The following GALNT11 variants were observed in gnomAD, a reference collection of about 807,000 sequenced individuals.
The protein encoded by GALNT11 is UDP-GalNAc:polypeptide N-acetylgalactosaminyltransferase 11.
In GALNT11, 47 loss-of-function variants were observed where a neutral mutation model predicts 72.7. That is an observed-to-expected ratio of 0.65 (90% CI 0.51 to 0.82). The LOEUF (loss-of-function observed/expected upper bound fraction) is 0.82. Ranked by LOEUF, GALNT11 falls within the 40% of genes least tolerant of loss-of-function variation. The pLI is 0.00. For synonymous variants in GALNT11, 270 were observed against 286.6 expected (o/e 0.94, Z 0.58); for missense variants, 677 against 778.4 (o/e 0.87, Z 1.55).
intron 1 of GALNT11, among the ~76,000 whole-genome samples, chr7:152,055,556 TG>T: frequency 6.7e-6 from 1 of 149,810 alleles, no homozygotes; most frequent in Non-Finnish European, 1.5e-5. Context: ...TGTGTGTGTG[TG>T]TGTGTGTGTG....
intron 1 of GALNT11, among the ~76,000 whole-genome samples, chr7:152,034,315 A>G (rs1216424936): frequency 1.3e-5 from 2 of 152,186 alleles, no homozygotes; most frequent in African/African-American, 4.8e-5. Flanking sequence ...TCCTTCAATG[A>G]AAAGAAAGCT....
Position 152,103,194 on chromosome 7 carries a change from C to T in GALNT11, c.502C>T (p.Leu168Phe), listed in dbSNP as rs781197865. ...CFYNEAFSAL[L>F]RTVHSVIDRT... is the part of the protein sequence containing the mutation. Reference sequence around the variant, plus strand: ...CTATAATGAAGCGTTTTCTGCCTTGCTTCGGACAGTGCACAGTGTCATAGA... The same window carrying T: ...CTATAATGAAGCGTTTTCTGCCTTGTTTCGGACAGTGCACAGTGTCATAGA... The change falls in exon 4 of 12, where the codon CTT becomes TTT. Residue 168 changes from leucine to phenylalanine, a missense_variant. By Grantham distance (22) the Leu-to-Phe change is conservative. Transcript: ENST00000430044. The T allele has an allele frequency of 4.3e-6, 7 of 1,613,526 alleles. No individual in the cohort carries two copies. The highest frequency in any genetic ancestry group is 2.2e-5 in the East Asian group (1 of 44,878).
chr7:152,050,341 G>A (rs889710904), intron 1 of GALNT11, among the ~76,000 whole-genome samples: 1 of 152,166 alleles, frequency 6.6e-6, no homozygotes, highest in Non-Finnish European at 1.5e-5. Context: ...AATCCTGCCA[G>A]TACTAGGTCC....
At chr7:152,116,198 G>T (rs992794808) in intron 8 of GALNT11, among the ~76,000 whole-genome samples, 3 of 152,122 alleles carry the variant, frequency 2.0e-5, no homozygotes, top group Admixed American at 2.0e-4. Context: ...TTACAAAAAC[G>T]GGTGGAAGAT....
intron 1 of GALNT11, among the ~76,000 whole-genome samples, chr7:152,081,968 A>G (rs2085350464): frequency 6.6e-6 from 1 of 152,210 alleles, no homozygotes; most frequent in Non-Finnish European, 1.5e-5. Context: ...TGGATAGTTC[A>G]TAGTTTGTTC....
intron 1 of GALNT11, among the ~76,000 whole-genome samples, chr7:152,088,223 T>G (rs2129030775): frequency 1.3e-5 from 2 of 152,356 alleles, no homozygotes; most frequent in East Asian, 3.9e-4. Context: ...CTTTTATTTT[T>G]AAAGAAAATG....
intron 1 of GALNT11, chr7:152,074,901 T>TAAAGG (rs2084863428): frequency 6.6e-6 from 1 of 152,264 alleles, no homozygotes; most frequent in African/African-American, 2.4e-5. Flanking sequence ...GAATGCCCTT[T>TAAAGG]GCATTCCCCT....
chr7:152,027,366 C>T (rs1352826331), intron 1 of GALNT11, among the ~76,000 whole-genome samples: 1 of 152,204 alleles, frequency 6.6e-6, no homozygotes, highest in East Asian at 1.9e-4. Context: ...GGGTATCCAT[C>T]TTCTCAAGCA....
chr7:152,045,296 C>T (rs1358759332), intron 1 of GALNT11, among the ~76,000 whole-genome samples: 2 of 152,042 alleles, frequency 1.3e-5, no homozygotes, highest in African/African-American at 4.8e-5. Context: ...TAATATTGGC[C>T]TCGCAGAATG....
chr7:152,095,229 G>A (rs939194515), intron 2 of GALNT11, among the ~76,000 whole-genome samples: 9 of 152,182 alleles, frequency 5.9e-5, no homozygotes, highest in Admixed American at 4.6e-4. Context: ...CAACTTGGAT[G>A]CAAGACTCTA....
At chr7:152,057,042 C>T (rs865931719) in intron 1 of GALNT11, among the ~76,000 whole-genome samples, 2 of 129,378 alleles carry the variant, frequency 1.5e-5, no homozygotes, top group African/African-American at 5.9e-5. Context: ...TTCTTTGTAG[C>T]GACAGGGTTT....
intron 6 of GALNT11, 35 bp downstream of exon 6, chr7:152,108,322 A>G (rs1299594962): frequency 1.3e-6 from 2 of 1,582,470 alleles, no homozygotes; most frequent in Non-Finnish European, 1.7e-6. Flanking sequence ...AATTCCTACC[A>G]GTGCTTCCTT....
In GALNT11 at chr7:152,120,913, CGCCACGGCTCATGAAAT is replaced by C. The variant is rs1563086774; in HGVS notation, c.1648_1664del (p.Leu550ValfsTer104). On this transcript the variant is annotated frameshift_variant, in exon 11 of 12. Transcript: ENST00000430044. LOFTEE classifies it high-confidence loss of function. Reference sequence around the variant, plus strand: ...ATGTCAGAGACTCGCTCATCAGACCCGCCACGGCTCATGAAATGCCACGGGTCAGGAGGATCCCAGCA... The same window carrying C: ...ATGTCAGAGACTCGCTCATCAGACCCGCCACGGGTCAGGAGGATCCCAGCA... 6.2e-7 allele frequency: 1 copy of C among 1,613,972 alleles called. No homozygotes were observed. The highest frequency in any genetic ancestry group is 8.5e-7 in the Non-Finnish European group (1 of 1,179,986).
At chr7:152,089,909 G>A (rs2129032806) in intron 1 of GALNT11, among the ~76,000 whole-genome samples, 1 of 152,320 alleles carries the variant, frequency 6.6e-6, no homozygotes, top group Non-Finnish European at 1.5e-5. Context: ...CTACAATAAT[G>A]ATGTTATCTA....
chr7:152,066,251 A>C (rs572775560), intron 1 of GALNT11, among the ~76,000 whole-genome samples: 1 of 148,498 alleles, frequency 6.7e-6, no homozygotes, highest in South Asian at 2.1e-4. Flanking sequence ...CATGGGATGT[A>C]ATCTCCTGGT....
chr7:152,034,903 G>C (rs2082486680), intron 1 of GALNT11, among the ~76,000 whole-genome samples: 1 of 152,114 alleles, frequency 6.6e-6, no homozygotes, highest in Non-Finnish European at 1.5e-5. Context: ...AGAAAAATTG[G>C]ATTTAGTGGC....
At chr7:152,093,648 C>T (rs1221971738) in intron 1 of GALNT11, among the ~76,000 whole-genome samples, 1 of 151,996 alleles carries the variant, frequency 6.6e-6, no homozygotes, top group Non-Finnish European at 1.5e-5. Context: ...AGGCTGGTCT[C>T]GAACTTCTGA....
At chr7:152,053,773 C>G (rs1387817829) in intron 1 of GALNT11, among the ~76,000 whole-genome samples, 1 of 152,176 alleles carries the variant, frequency 6.6e-6, no homozygotes, top group East Asian at 1.9e-4. Flanking sequence ...GTGGGAGGAT[C>G]ACTTGAGGCC....
intron 1 of GALNT11, among the ~76,000 whole-genome samples, chr7:152,086,995 T>C (rs986794245): frequency 3.3e-5 from 5 of 152,210 alleles, no homozygotes; most frequent in African/African-American, 1.2e-4. Flanking sequence ...GTTTAGAAAT[T>C]TGCAAGCATG....
Sources: gnomAD v4.1 joint callset for allele counts (sites outside exome capture counted in the v4.1 genomes callset) on GRCh38, gnomAD v4.1.1 for gene constraint, MANE v1.5 for transcripts, NCBI Gene and HGNC (gene_info 2026-07-23, HGNC 2026-07-21) for gene names.